KCNIP4: variants seen among roughly 807,000 people sequenced by gnomAD.
The protein encoded by KCNIP4 is potassium voltage-gated channel interacting protein 4, also known as Kv channel-interacting protein 4.
KCNIP4 carries 12 observed loss-of-function variants against 34.0 expected under a neutral mutation model. The ratio of observed to expected loss-of-function variants is 0.35; its 90% CI spans 0.23 to 0.57. The LOEUF is 0.57. KCNIP4 is among the 20% of genes least tolerant of loss of function. The pLI is 0.83. For missense variants in KCNIP4, 238 were observed against 311.7 expected, an observed-to-expected ratio of 0.76 and a Z score of 1.78; for synonymous variants, 124 against 102.2, an observed-to-expected ratio of 1.21 and a Z score of -1.29.
intron 1 of KCNIP4, among the ~76,000 whole-genome samples, chr4:20,972,811 T>A (rs888863655): frequency 6.6e-6 from 1 of 152,176 alleles, no homozygotes; most frequent in Non-Finnish European, 1.5e-5. Context: ...CTCTCATGAA[T>A]GATTTTGAGG....
At chr4:21,538,364 C>T (rs1737396412) in intron 1 of KCNIP4, among the ~76,000 whole-genome samples, 1 of 152,148 alleles carries the variant, frequency 6.6e-6, no homozygotes, top group South Asian at 2.1e-4. Context: ...GTACCACATG[C>T]AAGGTGCTAT....
At chr4:21,582,603 TA>T (rs1375346755) in intron 1 of KCNIP4, among the ~76,000 whole-genome samples, 2 of 152,040 alleles carry the variant, frequency 1.3e-5, no homozygotes, top group East Asian at 3.9e-4. Context: ...AATACAAGTT[TA>T]AAAATTTCTG....
chr4:20,820,081 A>T (rs2149443995), intron 3 of KCNIP4, among the ~76,000 whole-genome samples: 1 of 152,338 alleles, frequency 6.6e-6, no homozygotes, highest in Non-Finnish European at 1.5e-5. Flanking sequence ...GAATGCTAGA[A>T]AAAGTCTCTA....
intron 1 of KCNIP4, among the ~76,000 whole-genome samples, chr4:21,748,777 T>C (rs138804815): frequency 6.6e-6 from 1 of 152,200 alleles, no homozygotes; most frequent in African/African-American, 2.4e-5. Flanking sequence ...GCCCGGATCA[T>C]GGTAAGGCAG....
chr4:21,224,576 C>CTTTTT (rs1758222167), intron 1 of KCNIP4, among the ~76,000 whole-genome samples: 1 of 95,696 alleles, frequency 1.0e-5, no homozygotes, highest in African/African-American at 5.7e-5. Context: ...AATTTTTCAA[C>CTTTTT]TGTTTTTTTT....
intron 1 of KCNIP4, among the ~76,000 whole-genome samples, chr4:21,935,510 C>T (rs2109013385): frequency 6.6e-6 from 1 of 152,178 alleles, no homozygotes; most frequent in Non-Finnish European, 1.5e-5. Context: ...TGCTTCTTCT[C>T]AATCCCTCTG....
At chr4:21,247,047 A>G (rs560506560) in intron 1 of KCNIP4, among the ~76,000 whole-genome samples, 3 of 152,176 alleles carry the variant, frequency 2.0e-5, no homozygotes, top group Non-Finnish European at 4.4e-5. Context: ...AGATTTTAAT[A>G]ACTTAACTCA....
intron 1 of KCNIP4, among the ~76,000 whole-genome samples, chr4:21,306,613 A>G (rs1235480368): frequency 6.6e-6 from 1 of 152,180 alleles, no homozygotes; most frequent in Non-Finnish European, 1.5e-5. Context: ...AGTTAATTAA[A>G]CTCAAGGATC....
intron 1 of KCNIP4, among the ~76,000 whole-genome samples, chr4:21,681,497 G>A (rs1487701134): frequency 1.3e-5 from 2 of 152,090 alleles, no homozygotes; most frequent in East Asian, 1.9e-4. Context: ...AAGCTGCTGC[G>A]GCTTCTACAT....
At chr4:20,899,465 G>A (rs1290328634) in intron 1 of KCNIP4, among the ~76,000 whole-genome samples, 1 of 152,128 alleles carries the variant, frequency 6.6e-6, no homozygotes, top group East Asian at 1.9e-4. Flanking sequence ...TCCTGATGAA[G>A]TAAAATAATG....
At chr4:20,874,247 T>C (rs1723768838) in intron 2 of KCNIP4, among the ~76,000 whole-genome samples, 1 of 152,206 alleles carries the variant, frequency 6.6e-6, no homozygotes, top group Non-Finnish European at 1.5e-5. Context: ...AGTCACAGAA[T>C]GAGGATTTGA....
chr4:21,839,557 C>CAGCCTGACTA (rs965180825), intron 1 of KCNIP4, among the ~76,000 whole-genome samples: 3 of 152,078 alleles, frequency 2.0e-5, no homozygotes, highest in African/African-American at 7.2e-5. Flanking sequence ...AGTTCGAGAC[C>CAGCCTGACTA]AGCCTGACTA....
Position 20,729,138 on chromosome 4 carries a change from T to TATAA in KCNIP4, c.*940_*943dup, listed in dbSNP as rs1328327403. On this transcript the variant is annotated 3_prime_UTR_variant, in exon 9 of 9. Transcript: ENST00000382152. ...TTCTTTGTCCCTGAATGGCTTGTAA[T>TATAA]ATAAATAAACATGCTGTAAGGAAGT... 1 of 152,722 alleles carries TATAA rather than the reference T, an allele frequency of 6.5e-6. No homozygotes were observed. Among genetic ancestry groups the TATAA allele is most frequent in the Non-Finnish European group, 1.5e-5 (1 of 68,030 alleles). 9.5% of individuals were successfully genotyped at this position (152,722 alleles called of 1,614,324 possible).
chr4:21,455,827 A>AAGT (rs1560422869), intron 1 of KCNIP4, among the ~76,000 whole-genome samples: 52 of 104,538 alleles, frequency 5.0e-4, no homozygotes, highest in African/African-American at 1.4e-3. Flanking sequence ...ATATATATAT[A>AAGT]TATATATATA....
chr4:20,781,186 T>C (rs1560460501), intron 3 of KCNIP4, among the ~76,000 whole-genome samples: 1 of 152,186 alleles, frequency 6.6e-6, no homozygotes, highest in Non-Finnish European at 1.5e-5. Flanking sequence ...GATGAAATGG[T>C]GCAAAAAATA....
intron 1 of KCNIP4, among the ~76,000 whole-genome samples, chr4:21,616,535 A>G (rs1327967625): frequency 6.6e-6 from 1 of 152,078 alleles, no homozygotes; most frequent in African/African-American, 2.4e-5. Context: ...ACAAACAGAG[A>G]TTTACTTTCT....
Position 21,507,354 on chromosome 4 carries a change from TC to T in KCNIP4, c.61+441216del, listed in dbSNP as rs546438901. Among the ~76,000 whole-genome samples, 88 of 151,424 alleles carry T rather than the reference TC, an allele frequency of 5.8e-4. No homozygotes were observed. In the East Asian group the frequency reaches 0.017, roughly 29 times the overall value. On this transcript the variant is annotated intron_variant, in intron 1 of 8. Coordinates refer to ENST00000382152, the MANE Select transcript of KCNIP4 (RefSeq NM_025221.6). ...ATCTTGGCTCACTGCAACCTCCACC[TC>T]CCGGGTTCAAGCAATTCTCCTGCTT...
At chr4:21,599,392 C>T (rs548524466) in intron 1 of KCNIP4, among the ~76,000 whole-genome samples, 1 of 151,702 alleles carries the variant, frequency 6.6e-6, no homozygotes, top group African/African-American at 2.4e-5. Context: ...TTCAGAATTT[C>T]CTTAAAGAAA....
intron 1 of KCNIP4, among the ~76,000 whole-genome samples, chr4:20,941,509 A>G (rs1731637427): frequency 6.6e-6 from 1 of 152,342 alleles, no homozygotes; most frequent in East Asian, 1.9e-4. Context: ...GAAGGACAAA[A>G]GAAGAACTTT....
Sources: gnomAD v4.1 joint callset for allele counts (sites outside exome capture counted in the v4.1 genomes callset) on GRCh38, gnomAD v4.1.1 for gene constraint, MANE v1.5 for transcripts, NCBI Gene and HGNC (gene_info 2026-07-23, HGNC 2026-07-21) for gene names.